Variants in SLC38A1 observed in about 807,000 individuals in gnomAD.
SLC38A1 encodes the protein solute carrier family 38 member 1.
Under a neutral mutation model 60.3 loss-of-function variants are expected in SLC38A1, and 18 were observed. The ratio of observed to expected loss-of-function variants is 0.30; its 90% CI spans 0.21 to 0.44. The LOEUF (loss-of-function observed/expected upper bound fraction) is 0.44. Ranked by LOEUF, SLC38A1 falls within the 20% of genes least tolerant of loss-of-function variation. SLC38A1 has a pLI of 1.00. For missense variants in SLC38A1, 448 were observed against 587.2 expected (o/e 0.76, Z 2.45); for synonymous variants, 196 against 212.1 (o/e 0.92, Z 0.66).
In SLC38A1 at chr12:46,183,191, T is replaced by A. The variant is rs939668308; in HGVS notation, c.*5779A>T. On this transcript the variant is annotated 3_prime_UTR_variant, in exon 17 of 17. Coordinates refer to ENST00000398637, the MANE Select transcript of SLC38A1 (RefSeq NM_030674.4). ...AAACCCAGTTCTATTTGATTAACTA[T>A]GAATAGCAAAGTTTTGTGACTTGTG... is the stretch of plus-strand genomic sequence containing the variant. The A allele has an allele frequency of 5.2e-4, 79 of 152,506 alleles. No homozygotes were observed. Among genetic ancestry groups the A allele is most frequent in the African/African-American group, 1.8e-3 (76 of 41,554 alleles). The allele number at this position is 152,506 out of a possible 1,614,324, so 9.4% of individuals were successfully genotyped here.
intron 5 of SLC38A1, among the ~76,000 whole-genome samples, chr12:46,219,307 C>T (rs1355490921): frequency 6.6e-6 from 1 of 152,196 alleles, no homozygotes; most frequent in Non-Finnish European, 1.5e-5. Flanking sequence ...TATAATTTTG[C>T]AAAGGCAGTT....
intron 7 of SLC38A1, 102 bp downstream of exon 7, chr12:46,207,427 G>A (rs1939957273): frequency 5.8e-6 from 7 of 1,196,900 alleles, no homozygotes. Flanking sequence ...TGCCATTTTA[G>A]CAATGAGGAT....
chr12:46,258,976 G>C (rs778738334), intron 1 of SLC38A1, among the ~76,000 whole-genome samples: 3 of 152,090 alleles, frequency 2.0e-5, no homozygotes, highest in Non-Finnish European at 2.9e-5. Flanking sequence ...TTTTGGATTA[G>C]GGATGCTCAA....
At chr12:46,196,155 A>T (rs1000613295) in intron 16 of SLC38A1, 24 of 1,535,958 alleles carry the variant, frequency 1.6e-5, no homozygotes, top group Non-Finnish European at 2.0e-5. Flanking sequence ...TCCAGAATCC[A>T]GAGAACACAA....
chr12:46,242,227 T>A (rs12299843), intron 2 of SLC38A1, among the ~76,000 whole-genome samples: 81,333 of 151,906 alleles, frequency 0.54, 21,959 homozygotes, highest in Admixed American at 0.61. Flanking sequence ...TTAAATAACC[T>A]CTCTGAAACC....
chr12:46,229,778 C>A, intron 3 of SLC38A1, 139 bp from the exon 4 acceptor site: 1 of 688,260 alleles, frequency 1.5e-6, no homozygotes. Context: ...CCCTATTCAA[C>A]CACCAACTCC....
chr12:46,242,634 C>T (rs1055400357), intron 2 of SLC38A1, among the ~76,000 whole-genome samples: 1 of 151,902 alleles, frequency 6.6e-6, no homozygotes, highest in Non-Finnish European at 1.5e-5. Flanking sequence ...AAAACAACAA[C>T]AAAAAATCAA....
At chr12:46,250,157 T>A (rs541756154) in intron 1 of SLC38A1, among the ~76,000 whole-genome samples, 1 of 152,212 alleles carries the variant, frequency 6.6e-6, no homozygotes, top group Non-Finnish European at 1.5e-5. Context: ...ATTGACTTCA[T>A]CTCTGGGATG....
chr12:46,207,090 T>C, intron 8 of SLC38A1, 65 bp downstream of exon 8: 1 of 1,095,242 alleles, frequency 9.1e-7, no homozygotes, highest in South Asian at 1.6e-5. Flanking sequence ...GCAAGAATTT[T>C]GATTGGCCCA....
intron 16 of SLC38A1, chr12:46,196,359 C>T: frequency 1.3e-6 from 2 of 1,503,124 alleles, no homozygotes. Context: ...TCCCAGTGGT[C>T]CTTACACAGA....
intron 5 of SLC38A1, among the ~76,000 whole-genome samples, chr12:46,218,833 T>A (rs1008167875): frequency 6.6e-6 from 1 of 152,022 alleles, no homozygotes; most frequent in Non-Finnish European, 1.5e-5. Flanking sequence ...TATGAAATCA[T>A]AGGGGGGTGA....
chr12:46,206,038 T>C lies in SLC38A1; in HGVS notation c.646+42A>G, dbSNP rs756709903. The C allele has an allele frequency of 6.7e-6, 8 of 1,194,940 alleles. No homozygotes were observed. In the Admixed American group the frequency reaches 7.1e-5, roughly 11 times the overall value. The allele number at this position is 1,194,940 out of a possible 1,614,324, so 74.0% of individuals were successfully genotyped here. A position where few individuals can be genotyped will look rare whatever the true frequency, so the allele number is the denominator to read the frequency against. On this transcript the variant is annotated intron_variant, in intron 9 of 16. Coordinates refer to ENST00000398637, the MANE Select transcript of SLC38A1 (RefSeq NM_030674.4). The stretch of plus-strand genomic sequence containing the variant: ...CATTTTTATTCAGTTTCTGATTCAC[T>C]TGGGCACTGCAGAATATGATAAAAG...
At chr12:46,195,763 A>C (rs1939344849) in intron 16 of SLC38A1, 1 of 206,130 alleles carries the variant, frequency 4.9e-6, no homozygotes, top group South Asian at 8.5e-5. Context: ...TGAGCCAGGC[A>C]CGGGAGGGTA....
At position 46,209,081 on chromosome 12, in the gene SLC38A1, G is replaced by C; in HGVS notation, c.361C>G (p.Leu121Val). 1 of 1,611,156 alleles carries C rather than the reference G, an allele frequency of 6.2e-7. No homozygotes were observed. Among genetic ancestry groups the C allele is most frequent in the Non-Finnish European group, 8.5e-7 (1 of 1,178,330 alleles). ...GTTTCTTTTGAACAGATCAATAGGA[G>C]GTTTATTGAATATATAGACAGCAAT... ...VTLLSIYSIN[L>V]LLICSKETGC... Residue 121 changes from leucine (L) to valine (V), a missense_variant, in exon 6 of 17, where the codon CTC becomes GTC. Leu to Val is a conservative substitution (Grantham distance 32). This residue lies in a region of SLC38A1 where 346 missense variants were observed against 497.5 expected (regional missense o/e 0.70). Transcript: ENST00000398637.
At chr12:46,219,262 G>A (rs1940551094) in intron 5 of SLC38A1, among the ~76,000 whole-genome samples, 1 of 152,192 alleles carries the variant, frequency 6.6e-6, no homozygotes, top group Admixed American at 6.5e-5. Context: ...GAGTTGGTTA[G>A]GTCTGATTTC....
At chr12:46,260,721 T>A (rs1205378759) in intron 1 of SLC38A1, among the ~76,000 whole-genome samples, 1 of 152,180 alleles carries the variant, frequency 6.6e-6, no homozygotes, top group East Asian at 1.9e-4. Context: ...GAAACTTGAG[T>A]ATGGCTTTCA....
At chr12:46,239,544 T>G in intron 3 of SLC38A1, 135 bp downstream of exon 3, 1 of 905,056 alleles carries the variant, frequency 1.1e-6, no homozygotes, top group Non-Finnish European at 1.7e-6. Flanking sequence ...GGTTTCACCA[T>G]GTTGGTCAGG....
intron 16 of SLC38A1, among the ~76,000 whole-genome samples, chr12:46,190,330 G>C (rs1939095827): frequency 6.6e-6 from 1 of 152,138 alleles, no homozygotes; most frequent in African/African-American, 2.4e-5. Context: ...TCTTAATCCA[G>C]TCTATCATTG....
intron 3 of SLC38A1, chr12:46,238,993 T>C (rs1296034706): frequency 6.6e-6 from 1 of 152,250 alleles, no homozygotes; most frequent in Non-Finnish European, 1.5e-5. Context: ...AATGCAACTT[T>C]GACCATTTCT....
Sources: gnomAD v4.1 joint callset for allele counts (sites outside exome capture counted in the v4.1 genomes callset) on GRCh38, gnomAD v4.1.1 for gene constraint, gnomAD v4.1.1 regional missense constraint, MANE v1.5 for transcripts, NCBI Gene and HGNC (gene_info 2026-07-23, HGNC 2026-07-21) for gene names.